Variants in CISD3 observed in about 807,000 individuals in gnomAD.
CISD3 encodes CDGSH iron-sulfur domain-containing protein 3, mitochondrial.
A neutral mutation model predicts 14.1 loss-of-function variants in CISD3; 11 were observed. That is an observed-to-expected ratio of 0.78 (90% CI 0.49 to 1.29). The LOEUF is 1.29. Ranked by LOEUF, CISD3 falls within the 50% of genes most tolerant of loss-of-function variation. CISD3 has a pLI of 0.00. For synonymous variants in CISD3, 53 were observed against 69.2 expected, an observed-to-expected ratio of 0.77 and a Z score of 1.16; for missense variants, 156 against 171.6, an observed-to-expected ratio of 0.91 and a Z score of 0.51.
rs1906284749 is a variant in CISD3, at chr17:38,730,531, T to A, written c.48+125T>A. 2 of 935,842 alleles carry A rather than the reference T, an allele frequency of 2.1e-6. 1 individual carries two copies. Among genetic ancestry groups the A allele is most frequent in the South Asian group, 3.5e-5 (2 of 57,698 alleles). The allele number at this position is 935,842 out of a possible 1,614,324, so 58.0% of individuals were successfully genotyped here. On this transcript the variant is annotated intron_variant, in intron 1 of 3. Coordinates refer to ENST00000613478, the MANE Select transcript of CISD3 (RefSeq NM_001136498.2). ...CCGGCCCGTCCCGCCGGTGTCTGGCTTGCCTCAGCTCACAGGCTTTTCCCG... is the reference window on the plus strand; with the variant it reads ...CCGGCCCGTCCCGCCGGTGTCTGGCATGCCTCAGCTCACAGGCTTTTCCCG...
At chr17:38,730,558 G>T in intron 1 of CISD3, 152 bp downstream of exon 1, 1 of 868,992 alleles carries the variant, frequency 1.2e-6, no homozygotes, top group Non-Finnish European at 1.8e-6. Context: ...CTTTTCCCGA[G>T]CGCCAGTCCC....
rs756706080 is a variant in CISD3, at chr17:38,735,568, C to T, written c.*2113C>T. ...CTAGGGTGAGCCGCTTGCAGGCTGG[C>T]TGGACACGGTACTTGAGGGGGAGAG... On this transcript the variant is annotated 3_prime_UTR_variant, in exon 4 of 4. Transcript: ENST00000613478. 4 of 1,582,940 alleles carry T rather than the reference C, an allele frequency of 2.5e-6. No homozygotes were observed. Among genetic ancestry groups the T allele is most frequent in the Non-Finnish European group, 3.4e-6 (4 of 1,163,628 alleles).
intron 2 of CISD3, 141 bp from the exon 3 acceptor site, chr17:38,731,179 T>C: frequency 8.6e-7 from 1 of 1,169,536 alleles, no homozygotes. Flanking sequence ...GGAACGGTCT[T>C]GTTGGGTGGC....
In CISD3 at chr17:38,731,327, G is replaced by A. The variant is rs1247627069; in HGVS notation, c.92G>A (p.Trp31Ter). 1.4e-5 allele frequency: 22 copies of A among 1,551,324 alleles called. No homozygotes were observed. Among genetic ancestry groups the A allele is most frequent in the Non-Finnish European group, 1.1e-5 (13 of 1,146,940 alleles). The stretch of plus-strand genomic sequence containing the variant: ...CATCTTCCCTGGCCACAGGCCCAGT[G>A]GTTCCCTAGAACCCCAGCCAGGTCC... Reference protein sequence around the residue: ...RRDISSWLAQWFPRTPARSVV... With the variant: ...RRDISSWLAQ The change falls in exon 3 of 4, where the codon TGG (tryptophan) becomes TAG (stop). Residue 31 changes from tryptophan (W) to a stop codon, truncating the protein, a stop_gained. Transcript: ENST00000613478. LOFTEE classifies it high-confidence loss of function.
At position 38,731,446 on chromosome 17, in the gene CISD3, C is replaced by A. The variant is rs1204030030; in HGVS notation, c.204+7C>A. 1.3e-6 allele frequency: 2 copies of A among 1,551,388 alleles called. No individual in the cohort carries two copies. The highest frequency in any genetic ancestry group is 2.7e-5 in the African/African-American group (2 of 72,996). Reference sequence around the variant, plus strand: ...TGGCCGCAGCAAGAAGCAGGTGAGACCCCTGTCTGCCTTCCTACTGATACC... The same window carrying A: ...TGGCCGCAGCAAGAAGCAGGTGAGAACCCTGTCTGCCTTCCTACTGATACC... On this transcript the variant is annotated splice_region_variant and intron_variant, in intron 3 of 3. Transcript: ENST00000613478.
At position 38,735,208 on chromosome 17, in the gene CISD3, A is replaced by G; in HGVS notation, c.*1753A>G. ...TGGAGAGGCTTGGCTGGAAGAAGGG[A>G]GAGGGTCCCTGGCCTCAAGTTAAGG... is the stretch of plus-strand genomic sequence containing the variant. On this transcript the variant is annotated 3_prime_UTR_variant, in exon 4 of 4. Coordinates refer to ENST00000613478, the MANE Select transcript of CISD3 (RefSeq NM_001136498.2). The G allele has an allele frequency of 7.2e-7, 1 of 1,391,478 alleles. No homozygotes were observed. The highest frequency in any genetic ancestry group is 9.4e-7 in the Non-Finnish European group (1 of 1,062,710). The allele number at this position is 1,391,478 out of a possible 1,614,324, so 86.2% of individuals were successfully genotyped here. A position where few individuals can be genotyped will look rare whatever the true frequency, so the allele number is the denominator to read the frequency against.
rs537163908 is a variant in CISD3, at chr17:38,732,362, A to G, written c.205-914A>G. ...CAAGAGGCCTTGGTTCAGCCAGGCG[A>G]GGTGGCTCACCTGTAATCCCAGCAC... On this transcript the variant is annotated intron_variant, in intron 3 of 3. Coordinates refer to ENST00000613478, the MANE Select transcript of CISD3 (RefSeq NM_001136498.2). Among the ~76,000 whole-genome samples the G allele has an allele frequency of 2.0e-5, 3 of 152,262 alleles. No individual in the cohort carries two copies. The East Asian group carries it at 5.8e-4, about 29-fold the overall frequency.
In CISD3 at chr17:38,733,655, G is replaced by T; in HGVS notation, c.*200G>T. 1 of 569,766 alleles carries T rather than the reference G, an allele frequency of 1.8e-6. No individual in the cohort carries two copies. Among genetic ancestry groups the T allele is most frequent in the Non-Finnish European group, 3.0e-6 (1 of 338,476 alleles). The allele number at this position is 569,766 out of a possible 1,614,324, so 35.3% of individuals were successfully genotyped here. ...AGTGGGCCCTGGTTCAATGTTTGCT[G>T]ATGGGGAAGATGGCAAAAACAAGCC... On this transcript the variant is annotated 3_prime_UTR_variant, in exon 4 of 4. Coordinates refer to ENST00000613478, the MANE Select transcript of CISD3 (RefSeq NM_001136498.2).
intron 2 of CISD3, 38 bp downstream of exon 2, chr17:38,730,833 C>T (rs1906299473): frequency 6.5e-7 from 1 of 1,538,544 alleles, no homozygotes; most frequent in Admixed American, 2.0e-5. Flanking sequence ...TCGCACAAGA[C>T]CCCCAGGCAC....
rs1015700455 is a variant in CISD3, at chr17:38,734,407, G to C, written c.*952G>C. The C allele has an allele frequency of 1.3e-5, 2 of 152,328 alleles. No individual in the cohort carries two copies. Among genetic ancestry groups the C allele is most frequent in the African/African-American group, 2.4e-5 (1 of 41,396 alleles). The allele number at this position is 152,328 out of a possible 1,614,324, so 9.4% of individuals were successfully genotyped here. On this transcript the variant is annotated 3_prime_UTR_variant, in exon 4 of 4. Coordinates refer to ENST00000613478, the MANE Select transcript of CISD3 (RefSeq NM_001136498.2). ...GTGAGGGTTCCCCGGTGAGGGTAAG[G>C]TTGGTGGGGGTGCAGCGCTTCACAA...
At chr17:38,733,080 T>G (rs980767443) in intron 3 of CISD3, among the ~76,000 whole-genome samples, 196 bp from the exon 4 acceptor site, 1 of 152,116 alleles carries the variant, frequency 6.6e-6, no homozygotes, top group African/African-American at 2.4e-5. Flanking sequence ...ACGATCATAT[T>G]TTATTTCCTC....
At chr17:38,731,053 C>T in intron 2 of CISD3, 1 of 636,358 alleles carries the variant, frequency 1.6e-6, no homozygotes, top group South Asian at 2.0e-5. Context: ...GCCCGCCTTC[C>T]CTAGCACGCA....
rs1315175337 is a variant in CISD3, at chr17:38,731,331, C to A, written c.96C>A (p.Phe32Leu). 8 of 1,551,306 alleles carry A rather than the reference C, an allele frequency of 5.2e-6. No homozygotes were observed. In the Admixed American group the frequency reaches 1.6e-4, roughly 30 times the overall value. ...TTCCCTGGCCACAGGCCCAGTGGTT[C>A]CCTAGAACCCCAGCCAGGTCCGTGG... ...RDISSWLAQW[F>L]PRTPARSVVA... The change falls in exon 3 of 4, where the codon TTC becomes TTA. Residue 32 changes from phenylalanine to leucine, a missense_variant. Physicochemically the swap from Phe to Leu is conservative, Grantham distance 22. Transcript: ENST00000613478.
Position 38,733,326 on chromosome 17 carries a change from C to G in CISD3, c.255C>G (p.Leu85=). 1.9e-6 allele frequency: 3 copies of G among 1,551,760 alleles called. No individual in the cohort carries two copies. Among genetic ancestry groups the G allele is most frequent in the Non-Finnish European group, 1.7e-6 (2 of 1,146,988 alleles). ...TCCAACGCACTGGCCTATCTCCACT[C>G]AAGTTCAAGGCCCAAGAGACCCGCA... ...HFFQRTGLSP[L]KFKAQETRMV... The change falls in exon 4 of 4, where the codon CTC becomes CTG. Residue 85 remains leucine (L), a synonymous_variant. Coordinates refer to ENST00000613478, the MANE Select transcript of CISD3 (RefSeq NM_001136498.2).
intron 2 of CISD3, 133 bp downstream of exon 2, chr17:38,730,928 G>A (rs1044214871): frequency 5.9e-6 from 6 of 1,009,450 alleles, no homozygotes; most frequent in African/African-American, 1.6e-5. Flanking sequence ...TCTCAGGGAG[G>A]TGGGGCGGAC....
At position 38,733,409 on chromosome 17, in the gene CISD3, A is replaced by ACAGGAGTGAGCGCGTGCAGAAGG; in HGVS notation, c.342_364dup (p.Glu122GlyfsTer31). On this transcript the variant is annotated frameshift_variant, in exon 4 of 4. Transcript: ENST00000613478. LOFTEE classifies it high-confidence loss of function. ...AGGCCCCCGTACTGCGATGGCACCCACAGGAGTGAGCGCGTGCAGAAGGCA... is the reference window on the plus strand; with the variant it reads ...AGGCCCCCGTACTGCGATGGCACCCACAGGAGTGAGCGCGTGCAGAAGGCAGGAGTGAGCGCGTGCAGAAGGCA... 1 of 1,551,206 alleles carries ACAGGAGTGAGCGCGTGCAGAAGG rather than the reference A, an allele frequency of 6.4e-7. No individual in the cohort carries two copies. Among genetic ancestry groups the ACAGGAGTGAGCGCGTGCAGAAGG allele is most frequent in the Non-Finnish European group, 8.7e-7 (1 of 1,146,680 alleles).
At position 38,735,410 on chromosome 17, in the gene CISD3, G is replaced by A; in HGVS notation, c.*1955G>A. On this transcript the variant is annotated 3_prime_UTR_variant, in exon 4 of 4. Coordinates refer to ENST00000613478, the MANE Select transcript of CISD3 (RefSeq NM_001136498.2). ...CCCATGGGAACTGGGAGAGCCATGG[G>A]ATGGGGTGGCTGGGCTGGGCAGGGA... 4 of 1,574,094 alleles carry A rather than the reference G, an allele frequency of 2.5e-6. No individual in the cohort carries two copies. The highest frequency in any genetic ancestry group is 3.5e-6 in the Non-Finnish European group (4 of 1,159,206).
Position 38,731,445 on chromosome 17 carries a change from AC to A in CISD3, c.204+10del, listed in dbSNP as rs1906331981. 1 of 1,551,256 alleles carries A rather than the reference AC, an allele frequency of 6.4e-7. No homozygotes were observed. Among genetic ancestry groups the A allele is most frequent in the East Asian group, 2.4e-5 (1 of 40,904 alleles). ...GTGGCCGCAGCAAGAAGCAGGTGAG[AC>A]CCCTGTCTGCCTTCCTACTGATACC... is the stretch of plus-strand genomic sequence containing the variant. On this transcript the variant is annotated splice_region_variant and intron_variant, in intron 3 of 3. Coordinates refer to ENST00000613478, the MANE Select transcript of CISD3 (RefSeq NM_001136498.2).
At chr17:38,732,417 G>A (rs1381465699) in intron 3 of CISD3, among the ~76,000 whole-genome samples, 3 of 152,180 alleles carry the variant, frequency 2.0e-5, no homozygotes, top group Non-Finnish European at 4.4e-5. Flanking sequence ...AGGCTCTTTT[G>A]AGTCCAGGAG....
Sources: allele counts gnomAD v4.1 joint callset (sites outside exome capture counted in the v4.1 genomes callset), GRCh38; gene constraint gnomAD v4.1.1; transcripts MANE v1.5; gene names NCBI Gene and HGNC (gene_info 2026-07-23, HGNC 2026-07-21).